The following YIF1B variants were observed in gnomAD, a reference collection of about 807,000 sequenced individuals.
The protein encoded by YIF1B is protein YIF1B.
In YIF1B, 24 loss-of-function variants were observed where a neutral mutation model predicts 34.6. The observed-to-expected ratio is 0.69, with a 90% CI of 0.50 to 0.98. The LOEUF (loss-of-function observed/expected upper bound fraction) is 0.98. Among genes scored for constraint, YIF1B ranks in the 50% least tolerant of loss-of-function variants. The pLI is 0.00. For missense variants in YIF1B, 368 were observed against 429.4 expected, an observed-to-expected ratio of 0.86 and a Z score of 1.26; for synonymous variants, 186 against 184.8, an observed-to-expected ratio of 1.01 and a Z score of -0.05.
chr19:38,318,551 G>C (rs1285425827), upstream of YIF1B, among the ~76,000 whole-genome samples: 1 of 152,172 alleles, frequency 6.6e-6, no homozygotes, highest in Admixed American at 6.5e-5. Context: ...CTGTTTAGTG[G>C]GAATTATATT....
chr19:38,309,216 G>T lies in YIF1B; in HGVS notation c.402+8C>A. ...ACTGCAGACCCACATTCCCCTGGGG[G>T]TGCTGACCTGGTGTAGGTAGGGGAA... On this transcript the variant is annotated splice_region_variant and intron_variant, in intron 3 of 7. Transcript: ENST00000339413. The T allele has an allele frequency of 6.2e-7, 1 of 1,613,682 alleles. No homozygotes were observed. The highest frequency in any genetic ancestry group is 8.5e-7 in the Non-Finnish European group (1 of 1,179,808).
chr19:38,305,286 G>A lies in YIF1B; in HGVS notation c.*66C>T. ...TGGACCTTGGGGCCTGCAGGCAGGA[G>A]ATGAGTTCGGCGGCCACAGTGGCCC... On this transcript the variant is annotated 3_prime_UTR_variant, in exon 8 of 8. Transcript: ENST00000339413. 6.4e-7 allele frequency: 1 copy of A among 1,556,748 alleles called. No individual in the cohort carries two copies. The highest frequency in any genetic ancestry group is 8.7e-7 in the Non-Finnish European group (1 of 1,150,220).
chr19:38,320,172 G>C (rs372657213), upstream of YIF1B: 25 of 1,599,296 alleles, frequency 1.6e-5, no homozygotes, highest in Non-Finnish European at 2.0e-5. Flanking sequence ...GGCTGGGGCG[G>C]GTCGTGCTTG....
At chr19:38,313,114 G>A (rs564711714) in intron 1 of YIF1B, among the ~76,000 whole-genome samples, 224 of 152,162 alleles carry the variant, frequency 1.5e-3, no homozygotes, top group Non-Finnish European at 2.3e-3. Flanking sequence ...ACCAAGCCCA[G>A]GTAATTTTTG....
chr19:38,307,231 T>G (rs1031486668), intron 7 of YIF1B, 197 bp downstream of exon 7: 2 of 609,894 alleles, frequency 3.3e-6, no homozygotes, highest in African/African-American at 3.7e-5. Flanking sequence ...CTGGCTGGTG[T>G]CTCCTCTTCC....
chr19:38,304,139 C>G lies in YIF1B; in HGVS notation c.*1213G>C. 8.2e-7 allele frequency: 1 copy of G among 1,219,228 alleles called. No individual in the cohort carries two copies. Among genetic ancestry groups the G allele is most frequent in the Non-Finnish European group, 1.2e-6 (1 of 855,662 alleles). 75.5% of individuals were successfully genotyped at this position (1,219,228 alleles called of 1,614,324 possible). On this transcript the variant is annotated 3_prime_UTR_variant, in exon 8 of 8. Transcript: ENST00000339413. ...AATGAGTCAGGGCTGAGGACCAGGA[C>G]AGAGGTTGGGTGGGGCGTCTCAGCA...
intron 5 of YIF1B, among the ~76,000 whole-genome samples, chr19:38,308,288 G>A (rs1463801123): frequency 6.6e-6 from 1 of 152,134 alleles, no homozygotes; most frequent in Admixed American, 6.5e-5. Flanking sequence ...CTGGGCAGAG[G>A]GGAGTTGATG....
rs1969419548 is a variant in YIF1B, at chr19:38,313,742, C to T, written c.58+2118G>A. 4.6e-5 allele frequency among the ~76,000 whole-genome samples: 7 copies of T among 152,228 alleles called. No individual in the cohort carries two copies. The South Asian group carries it at 1.4e-3, about 32-fold the overall frequency. On this transcript the variant is annotated intron_variant, in intron 1 of 7. Coordinates refer to ENST00000339413, the MANE Select transcript of YIF1B (RefSeq NM_001039672.3). The stretch of plus-strand genomic sequence containing the variant: ...CAGCCAGCCACATGGCCTTTCAGGC[C>T]CCGACTCTGCCAAGCTCCTTGCCCC...
At position 38,315,942 on chromosome 19, in the gene YIF1B, C is replaced by T. The variant is rs1969533522; in HGVS notation, c.-25G>A. The T allele has an allele frequency of 4.9e-6, 7 of 1,422,398 alleles. No individual in the cohort carries two copies. The highest frequency in any genetic ancestry group is 6.4e-6 in the Non-Finnish European group (7 of 1,097,548). The allele number at this position is 1,422,398 out of a possible 1,614,324, so 88.1% of individuals were successfully genotyped here. On this transcript the variant is annotated 5_prime_UTR_variant, in exon 1 of 8. Transcript: ENST00000339413. ...TCCTTCGCCGCCGCCACCTAAGCCG[C>T]GGTTCGGAGCGTGCCCGCCCGGCTC...
At chr19:38,313,015 G>A (rs1336340698) in intron 1 of YIF1B, among the ~76,000 whole-genome samples, 1 of 151,826 alleles carries the variant, frequency 6.6e-6, no homozygotes, top group Non-Finnish European at 1.5e-5. Context: ...GCAATGGTGC[G>A]ATCTCGGCTC....
At chr19:38,308,900 G>A (rs1969181387) in intron 4 of YIF1B, 51 bp from the exon 5 acceptor site, 1 of 1,613,626 alleles carries the variant, frequency 6.2e-7, no homozygotes, top group Middle Eastern at 1.7e-4. Flanking sequence ...GAACTGCCCT[G>A]GGCCTCCAGG....
upstream of YIF1B, among the ~76,000 whole-genome samples, chr19:38,320,483 A>G (rs1271496264): frequency 6.6e-6 from 1 of 151,784 alleles, no homozygotes; most frequent in African/African-American, 2.4e-5. Context: ...CCTCCTAAGT[A>G]GGAAACACCC....
rs966014620 is a variant in YIF1B at position 38,304,551 on chromosome 19, G to A, written c.*801C>T. On this transcript the variant is annotated 3_prime_UTR_variant, in exon 8 of 8. Coordinates refer to ENST00000339413, the MANE Select transcript of YIF1B (RefSeq NM_001039672.3). ...AAGGCTGGGGTTGCCCCTGACCCCA[G>A]GGTCCTGCCTTAGGCCTCCAACTTC... The A allele has an allele frequency of 1.3e-6, 2 of 1,595,840 alleles. No individual in the cohort carries two copies. The highest frequency in any genetic ancestry group is 1.1e-5 in the South Asian group (1 of 89,360).
chr19:38,308,513 G>A (rs966382899), intron 5 of YIF1B, among the ~76,000 whole-genome samples: 2 of 152,210 alleles, frequency 1.3e-5, no homozygotes, highest in East Asian at 3.9e-4. Flanking sequence ...ATGACAGAGG[G>A]AGGATGAGGA....
At chr19:38,305,562 C>T in intron 7 of YIF1B, 55 bp from the exon 8 acceptor site, 1 of 1,545,164 alleles carries the variant, frequency 6.5e-7, no homozygotes, top group East Asian at 2.3e-5. Flanking sequence ...CCCTCTGGGC[C>T]AGAGTGAGAG....
At chr19:38,316,031 C>T, upstream of YIF1B, 2 of 1,319,714 alleles carry the variant, frequency 1.5e-6, no homozygotes, top group Non-Finnish European at 1.9e-6. Context: ...GAAGGCCTCG[C>T]CCCCACCCCC....
Position 38,304,600 on chromosome 19 carries a change from C to T in YIF1B, c.*752G>A. The T allele has an allele frequency of 6.2e-7, 1 of 1,613,108 alleles. No homozygotes were observed. Among genetic ancestry groups the T allele is most frequent in the Non-Finnish European group, 8.5e-7 (1 of 1,179,918 alleles). On this transcript the variant is annotated 3_prime_UTR_variant, in exon 8 of 8. Coordinates refer to ENST00000339413, the MANE Select transcript of YIF1B (RefSeq NM_001039672.3). ...TCAGGGGGCTGGGTAAGGGGCGCCGCCTCACTGCCGCACCTCCATCCAGCA... is the reference window on the plus strand; with the variant it reads ...TCAGGGGGCTGGGTAAGGGGCGCCGTCTCACTGCCGCACCTCCATCCAGCA...
intron 7 of YIF1B, chr19:38,307,198 GGGGATCCCC>G (rs1969088918): frequency 1.8e-6 from 1 of 571,280 alleles, no homozygotes; most frequent in African/African-American, 1.9e-5. Flanking sequence ...CCTGTGTGCT[GGGGATCCCC>G]AGCCTCTAGC....
upstream of YIF1B, among the ~76,000 whole-genome samples, chr19:38,319,208 G>T (rs142199659): frequency 1.8e-4 from 28 of 151,738 alleles, no homozygotes; most frequent in East Asian, 4.7e-3. Flanking sequence ...GCAATCCTCC[G>T]ACCTCAGCCT....
Sources: gnomAD v4.1 joint callset for allele counts (sites outside exome capture counted in the v4.1 genomes callset) on GRCh38, gnomAD v4.1.1 for gene constraint, MANE v1.5 for transcripts, NCBI Gene and HGNC (gene_info 2026-07-23, HGNC 2026-07-21) for gene names.